Variants in AKNAD1 observed in about 807,000 individuals in gnomAD.
AKNAD1 encodes the protein protein AKNAD1.
In AKNAD1, 67 loss-of-function variants were observed where a neutral mutation model predicts 90.8. The ratio of observed to expected loss-of-function variants is 0.74; its 90% CI spans 0.61 to 0.90. The LOEUF is 0.90. AKNAD1 is among the 40% of genes least tolerant of loss of function. The probability of loss-of-function intolerance (pLI) is 0.00; values close to 1 mark genes in which losing one functional copy is unlikely to be tolerated. For missense variants in AKNAD1, 957 were observed against 975.4 expected (o/e 0.98, Z 0.25); for synonymous variants, 327 against 341.4 (o/e 0.96, Z 0.46).
intron 5 of AKNAD1, among the ~76,000 whole-genome samples, chr1:108,844,379 T>TAC (rs781175837): frequency 2.0e-4 from 17 of 85,646 alleles, no homozygotes; most frequent in African/African-American, 1.0e-3. Flanking sequence ...TCTCTCTCCA[T>TAC]ATATATATAT....
At chr1:108,843,386 C>T in intron 5 of AKNAD1, 119 bp from the exon 6 acceptor site, 1 of 1,252,354 alleles carries the variant, frequency 8.0e-7, no homozygotes, top group Non-Finnish European at 1.1e-6. Flanking sequence ...CCATCCTTCT[C>T]CCAGCAGCAT....
At position 108,851,595 on chromosome 1, in the gene AKNAD1, C is replaced by T. The variant is rs1427465233; in HGVS notation, c.993+77G>A. On this transcript the variant is annotated intron_variant, in intron 2 of 15. Coordinates refer to ENST00000370001, the MANE Select transcript of AKNAD1 (RefSeq NM_152763.5). ...TTTGGAACTAGAACCAAGCTCTATT[C>T]ACCCTCCAAAAACCCACACTGAAAG... The T allele has an allele frequency of 2.1e-6, 3 of 1,398,740 alleles. No homozygotes were observed. The African/African-American group carries it at 4.3e-5, about 20-fold the overall frequency. The allele number at this position is 1,398,740 out of a possible 1,614,324, so 86.6% of individuals were successfully genotyped here.
At position 108,851,789 on chromosome 1, in the gene AKNAD1, C is replaced by T. The variant is rs373055497; in HGVS notation, c.876G>A (p.Ser292=). The part of the protein sequence containing the change: ...IAKQASFSSK[S]RDKPTLVQDS... ...CTTGCACAAGAGTGGGTTTATCTCT[C>T]GACTTGGAAGAAAAGCTGGCTTGTT... Residue 292 remains serine, a synonymous_variant, in exon 2 of 16, where the codon TCG becomes TCA. Coordinates refer to ENST00000370001, the MANE Select transcript of AKNAD1 (RefSeq NM_152763.5). 11 of 1,614,032 alleles carry T rather than the reference C, an allele frequency of 6.8e-6. No homozygotes were observed. The highest frequency in any genetic ancestry group is 4.0e-5 in the African/African-American group (3 of 74,908).
intron 10 of AKNAD1, 84 bp downstream of exon 10, chr1:108,830,471 CAGTT>C (rs1459312414): frequency 1.2e-5 from 15 of 1,260,674 alleles, no homozygotes; most frequent in Non-Finnish European, 1.6e-5. Flanking sequence ...CCAGTGGCCT[CAGTT>C]AGTTGCCGCC....
intron 5 of AKNAD1, among the ~76,000 whole-genome samples, chr1:108,845,708 G>A (rs1195058820): frequency 1.3e-5 from 2 of 152,154 alleles, no homozygotes; most frequent in African/African-American, 4.8e-5. Flanking sequence ...AGAAGAATGT[G>A]GTAGACCTGA....
At chr1:108,852,876 G>A in intron 1 of AKNAD1, 109 bp from the exon 2 acceptor site, 2 of 413,480 alleles carry the variant, frequency 4.8e-6, no homozygotes, top group Admixed American at 4.1e-5. Flanking sequence ...GTTACAAACA[G>A]GAAGGCAGGA....
chr1:108,849,508 A>C (rs778437717), intron 3 of AKNAD1, 29 bp downstream of exon 3: 2 of 1,396,160 alleles, frequency 1.4e-6, no homozygotes, highest in Non-Finnish European at 2.0e-6. Context: ...ATATATATAT[A>C]TCTCAAAGAA....
At chr1:108,854,664 G>A (rs148245452) in intron 1 of AKNAD1, among the ~76,000 whole-genome samples, 99 of 152,256 alleles carry the variant, frequency 6.5e-4, no homozygotes, top group African/African-American at 2.3e-3. Flanking sequence ...ATCACTGCAG[G>A]ATTATTTTAA....
intron 15 of AKNAD1, 186 bp downstream of exon 15, chr1:108,816,862 A>T: frequency 3.3e-6 from 2 of 609,356 alleles, no homozygotes; most frequent in Non-Finnish European, 2.7e-6. Context: ...ACCAATTTAG[A>T]ATAATACAAA....
intron 2 of AKNAD1, 109 bp from the exon 3 acceptor site, chr1:108,849,685 G>T: frequency 1.3e-6 from 1 of 777,022 alleles, no homozygotes; most frequent in Non-Finnish European, 2.2e-6. Context: ...CAGGTTTGCA[G>T]TCAAGAGCCG....
chr1:108,816,548 T>G (rs900629458), intron 15 of AKNAD1, among the ~76,000 whole-genome samples: 5 of 151,830 alleles, frequency 3.3e-5, no homozygotes, highest in Non-Finnish European at 7.4e-5. Context: ...GAGGGTGAGG[T>G]CAGCCGCCAG....
chr1:108,823,177 C>T, intron 13 of AKNAD1, 193 bp downstream of exon 13: 1 of 720,372 alleles, frequency 1.4e-6, no homozygotes, highest in South Asian at 1.5e-5. Context: ...TATTTTCCAG[C>T]CCCAGCTCAG....
intron 11 of AKNAD1, among the ~76,000 whole-genome samples, chr1:108,826,040 C>T (rs1451037487): frequency 1.3e-5 from 2 of 151,534 alleles, no homozygotes; most frequent in African/African-American, 2.4e-5. Flanking sequence ...GACCTGGTGG[C>T]CCCCCCGAAA....
chr1:108,823,342 G>A lies in AKNAD1; in HGVS notation c.2167+28C>T, dbSNP rs112269715. 2.5e-4 allele frequency: 381 copies of A among 1,506,240 alleles called. No individual in the cohort carries two copies. In the African/African-American group the frequency reaches 4.9e-3, roughly 19 times the overall value. The allele number at this position is 1,506,240 out of a possible 1,614,324, so 93.3% of individuals were successfully genotyped here. On this transcript the variant is annotated intron_variant, in intron 13 of 15. Coordinates refer to ENST00000370001, the MANE Select transcript of AKNAD1 (RefSeq NM_152763.5). Reference sequence around the variant, plus strand: ...CCTGGGACATTAGGTTGTTGATATGGATGGGGTCATGCAGGAGATGTACTT... The same window carrying A: ...CCTGGGACATTAGGTTGTTGATATGAATGGGGTCATGCAGGAGATGTACTT...
At chr1:108,832,623 A>T (rs1664245964) in intron 9 of AKNAD1, among the ~76,000 whole-genome samples, 1 of 152,106 alleles carries the variant, frequency 6.6e-6, no homozygotes, top group Admixed American at 6.6e-5. Flanking sequence ...TTTGCCCTTA[A>T]TATTTTCTCA....
intron 13 of AKNAD1, among the ~76,000 whole-genome samples, chr1:108,822,598 A>G (rs1663852793): frequency 6.6e-6 from 1 of 152,168 alleles, no homozygotes; most frequent in African/African-American, 2.4e-5. Context: ...TTGGGCACTG[A>G]CCATCAAGAA....
chr1:108,823,279 G>T, intron 13 of AKNAD1, 91 bp downstream of exon 13: 1 of 1,048,192 alleles, frequency 9.5e-7, no homozygotes, highest in Non-Finnish European at 1.5e-6. Context: ...GGGCTTCCCA[G>T]ATGGAAGCAG....
At chr1:108,834,360 T>C in intron 9 of AKNAD1, 87 bp downstream of exon 9, 2 of 1,156,420 alleles carry the variant, frequency 1.7e-6, no homozygotes, top group East Asian at 2.5e-5. Flanking sequence ...ATTATGCCAA[T>C]TTCACAGTCA....
rs781314497 is a variant in AKNAD1 at position 108,852,199 on chromosome 1, T to G, written c.466A>C (p.Asn156His). The G allele has an allele frequency of 5.0e-6, 8 of 1,613,742 alleles. No individual in the cohort carries two copies. Among genetic ancestry groups the G allele is most frequent in the Non-Finnish European group, 6.8e-6 (8 of 1,179,900 alleles). The part of the protein sequence containing the change: ...AIIKSIISCY[N>H]KNSWPKEQTP... ...TGTTCTTTTGGCCAAGAATTCTTATTATAACATGAAATAATACTTTTAATA... is the reference window on the plus strand; with the variant it reads ...TGTTCTTTTGGCCAAGAATTCTTATGATAACATGAAATAATACTTTTAATA... The change falls in exon 2 of 16, where the codon AAT becomes CAT. Residue 156 changes from asparagine (N) to histidine (H), a missense_variant. Asn to His is a moderately conservative substitution (Grantham distance 68, BLOSUM62 1). Transcript: ENST00000370001.
Sources: gnomAD v4.1 joint callset for allele counts (sites outside exome capture counted in the v4.1 genomes callset) on GRCh38, gnomAD v4.1.1 for gene constraint, MANE v1.5 for transcripts, NCBI Gene and HGNC (gene_info 2026-07-23, HGNC 2026-07-21) for gene names.